CTDSPL2: variants seen among roughly 807,000 people sequenced by gnomAD.
CTDSPL2 encodes CTD small phosphatase like 2, also known as CTD small phosphatase-like protein 2.
CTDSPL2 carries 5 observed loss-of-function variants against 60.0 expected under a neutral mutation model. That is an observed-to-expected ratio of 0.08 (90% CI 0.04 to 0.18). The LOEUF is 0.18. CTDSPL2 is among the 10% of genes least tolerant of loss of function. The pLI is 1.00. For synonymous variants in CTDSPL2, 186 were observed against 189.3 expected (o/e 0.98, Z 0.14); for missense variants, 370 against 548.8 (o/e 0.67, Z 3.26).
At position 44,484,711 on chromosome 15, in the gene CTDSPL2, G is replaced by C. The variant is rs539042612; in HGVS notation, c.325+349G>C. ...GCTGAGATTGTGCCACTACACTCCA[G>C]CCTGGGTGACAGAGTGAGACTCTGT... On this transcript the variant is annotated intron_variant, in intron 3 of 12. Transcript: ENST00000260327. Among the ~76,000 whole-genome samples, 3 of 152,310 alleles carry C rather than the reference G, an allele frequency of 2.0e-5. No homozygotes were observed. In the East Asian group the frequency reaches 5.8e-4, roughly 29 times the overall value.
intron 2 of CTDSPL2, 101 bp from the exon 3 acceptor site, chr15:44,484,123 C>A (rs2140783942): frequency 9.5e-7 from 1 of 1,048,576 alleles, no homozygotes; most frequent in Non-Finnish European, 1.3e-6. Context: ...ATATGAAAAG[C>A]AGAGGAAAGT....
At chr15:44,447,150 T>C (rs914211185) in intron 1 of CTDSPL2, among the ~76,000 whole-genome samples, 12 of 152,212 alleles carry the variant, frequency 7.9e-5, no homozygotes, top group African/African-American at 2.9e-4. Context: ...TTTTCTTTCA[T>C]AAAATGGAAA....
At chr15:44,479,845 G>A (rs2080993682) in intron 2 of CTDSPL2, among the ~76,000 whole-genome samples, 1 of 151,868 alleles carries the variant, frequency 6.6e-6, no homozygotes, top group Admixed American at 6.6e-5. Context: ...GTTTTGTGTG[G>A]GATTTGATAT....
intron 1 of CTDSPL2, among the ~76,000 whole-genome samples, chr15:44,442,248 C>T (rs934251008): frequency 1.3e-5 from 2 of 152,024 alleles, no homozygotes; most frequent in Non-Finnish European, 2.9e-5. Flanking sequence ...GTCACGAGTT[C>T]GAGACCAGCA....
At chr15:44,452,090 A>G (rs933628176) in intron 1 of CTDSPL2, among the ~76,000 whole-genome samples, 1 of 152,178 alleles carries the variant, frequency 6.6e-6, no homozygotes, top group African/African-American at 2.4e-5. Flanking sequence ...TTTCCAACAA[A>G]TCAGTGATCA....
intron 8 of CTDSPL2, among the ~76,000 whole-genome samples, chr15:44,500,302 T>A (rs951619905): frequency 6.6e-6 from 1 of 152,236 alleles, no homozygotes. Flanking sequence ...GTTATTGTTT[T>A]ACTTAGGGCA....
At chr15:44,503,338 A>G (rs1242386379) in intron 8 of CTDSPL2, 1 of 152,170 alleles carries the variant, frequency 6.6e-6, no homozygotes, top group Non-Finnish European at 1.5e-5. Flanking sequence ...GCACATGTTT[A>G]ATCTTTATAT....
At chr15:44,486,818 G>A (rs2081129187) in intron 4 of CTDSPL2, 118 bp downstream of exon 4, 5 of 698,612 alleles carry the variant, frequency 7.2e-6, no homozygotes, top group Non-Finnish European at 1.1e-5. Flanking sequence ...CTGGAGTGCA[G>A]TGACGCGATC....
At chr15:44,445,279 C>T (rs1407422614) in intron 1 of CTDSPL2, among the ~76,000 whole-genome samples, 1 of 152,064 alleles carries the variant, frequency 6.6e-6, no homozygotes, top group Non-Finnish European at 1.5e-5. Flanking sequence ...CTTCGACTTC[C>T]CAGGCTCAGG....
chr15:44,524,277 C>A lies in CTDSPL2; in HGVS notation c.*103C>A, dbSNP rs1297539981. 2.3e-6 allele frequency: 2 copies of A among 857,814 alleles called. No individual in the cohort carries two copies. Among genetic ancestry groups the A allele is most frequent in the Admixed American group, 1.9e-5 (1 of 52,238 alleles). 53.1% of individuals were successfully genotyped at this position (857,814 alleles called of 1,614,324 possible). A position where few individuals can be genotyped will look rare whatever the true frequency, so the allele number is the denominator to read the frequency against. On this transcript the variant is annotated 3_prime_UTR_variant, in exon 13 of 13. Transcript: ENST00000260327. ...CTGTTGAAATTTTGCATTTTTGTAC[C>A]CCGTCTTGCTTTTCTTATCTTTGGT...
rs1161523936 is a variant in CTDSPL2 at position 44,468,963 on chromosome 15, TC to T, written c.186+9764del. 4.6e-5 allele frequency among the ~76,000 whole-genome samples: 7 copies of T among 152,332 alleles called. No individual in the cohort carries two copies. In the East Asian group the frequency reaches 1.3e-3, roughly 29 times the overall value. On this transcript the variant is annotated intron_variant, in intron 2 of 12. Transcript: ENST00000260327. ...ACTCCTGTTAGTCACTTAGTAGCTT[TC>T]TTGTTTATCATATCAGCTGTGTAGA...
At position 44,461,275 on chromosome 15, in the gene CTDSPL2, A is replaced by T. The variant is rs1419381802; in HGVS notation, c.186+2075A>T. Among the ~76,000 whole-genome samples the T allele has an allele frequency of 3.3e-5, 5 of 152,370 alleles. No homozygotes were observed. The East Asian group carries it at 9.6e-4, about 29-fold the overall frequency. On this transcript the variant is annotated intron_variant, in intron 2 of 12. Coordinates refer to ENST00000260327, the MANE Select transcript of CTDSPL2 (RefSeq NM_016396.3). ...CTCCCATGTGGTTGAAAATCCACAT[A>T]CAACTTTTGACTCTCCAAAAACTTA...
In CTDSPL2 at chr15:44,499,799, G is replaced by T; in HGVS notation, c.955G>T (p.Asp319Tyr). The T allele has an allele frequency of 6.2e-7, 1 of 1,603,662 alleles. No individual in the cohort carries two copies. The highest frequency in any genetic ancestry group is 2.2e-5 in the East Asian group (1 of 44,684). ...AALTFPVLFQ[D>Y]VIYQVYVRLR... Reference sequence around the variant, plus strand: ...ACTTACTTTTCCAGTCCTTTTCCAAGATGTCATTTATCAGGTAATTAAAAT... The same window carrying T: ...ACTTACTTTTCCAGTCCTTTTCCAATATGTCATTTATCAGGTAATTAAAAT... The change falls in exon 8 of 13, where the codon GAT becomes TAT. Residue 319 changes from aspartate (D) to tyrosine (Y), a missense_variant. This residue lies in a region of CTDSPL2 where 21 missense variants were observed against 42.1 expected (regional missense o/e 0.50). Coordinates refer to ENST00000260327, the MANE Select transcript of CTDSPL2 (RefSeq NM_016396.3).
intron 1 of CTDSPL2, among the ~76,000 whole-genome samples, chr15:44,450,682 C>T (rs1037015527): frequency 5.3e-5 from 8 of 149,722 alleles, no homozygotes; most frequent in East Asian, 2.0e-4. Context: ...CTGCAACCTC[C>T]GCCTCTGGGG....
intron 1 of CTDSPL2, among the ~76,000 whole-genome samples, chr15:44,458,789 T>C (rs1046565262): frequency 1.1e-4 from 17 of 152,168 alleles, no homozygotes; most frequent in Non-Finnish European, 1.6e-4. Flanking sequence ...TTGGGAAGGT[T>C]ACTTGGGATA....
intron 3 of CTDSPL2, among the ~76,000 whole-genome samples, chr15:44,485,336 C>G (rs2140787650): frequency 6.6e-6 from 1 of 152,316 alleles, no homozygotes; most frequent in East Asian, 1.9e-4. Flanking sequence ...GCAGAGACAG[C>G]TATAAAGAAT....
chr15:44,456,102 G>A (rs1396148084), intron 1 of CTDSPL2, among the ~76,000 whole-genome samples: 9 of 151,634 alleles, frequency 5.9e-5, no homozygotes, highest in African/African-American at 2.2e-4. Context: ...CACCCGCCTC[G>A]GCCTCCCAAA....
At chr15:44,444,459 C>G (rs1398868166) in intron 1 of CTDSPL2, among the ~76,000 whole-genome samples, 2 of 152,020 alleles carry the variant, frequency 1.3e-5, no homozygotes, top group Admixed American at 6.6e-5. Flanking sequence ...ATCCTGCCAC[C>G]TCAGCCTCCC....
intron 4 of CTDSPL2, among the ~76,000 whole-genome samples, chr15:44,489,210 C>A (rs939409852): frequency 1.5e-5 from 2 of 135,022 alleles, no homozygotes; most frequent in African/African-American, 5.5e-5. Flanking sequence ...TGGATTATGA[C>A]CAGTCTTTGT....
Sources: allele counts gnomAD v4.1 joint callset (sites outside exome capture counted in the v4.1 genomes callset), GRCh38; gene constraint gnomAD v4.1.1; regional missense constraint gnomAD v4.1.1; transcripts MANE v1.5; gene names NCBI Gene and HGNC (gene_info 2026-07-23, HGNC 2026-07-21).